Variants in L3MBTL4 observed in about 807,000 individuals in gnomAD.
L3MBTL4 encodes the protein L3MBTL histone methyl-lysine binding protein 4.
L3MBTL4 carries 70 observed loss-of-function variants against 84.5 expected under a neutral mutation model. The ratio of observed to expected loss-of-function variants is 0.83; its 90% CI spans 0.68 to 1.01. The LOEUF (loss-of-function observed/expected upper bound fraction) is 1.01, where lower values mean the gene tolerates loss of function less well. Ranked by LOEUF, L3MBTL4 falls within the 50% of genes least tolerant of loss-of-function variation. L3MBTL4 has a pLI of 0.00. For synonymous variants in L3MBTL4, 274 were observed against 259.8 expected (o/e 1.05, Z -0.52); for missense variants, 715 against 754.8 (o/e 0.95, Z 0.62).
chr18:6,221,359 A>G (rs1180751757), intron 10 of L3MBTL4, among the ~76,000 whole-genome samples: 1 of 149,038 alleles, frequency 6.7e-6, no homozygotes, highest in Non-Finnish European at 1.5e-5. Context: ...AGCAGCAATA[A>G]AAGGGATCTG....
At chr18:6,238,826 C>A (rs2047328450) in intron 9 of L3MBTL4, among the ~76,000 whole-genome samples, 1 of 150,186 alleles carries the variant, frequency 6.7e-6, no homozygotes, top group Non-Finnish European at 1.5e-5. Context: ...AGAACCACTG[C>A]CTCAGGCAGG....
At position 6,160,037 on chromosome 18, in the gene L3MBTL4, G is replaced by A. The variant is rs375570549; in HGVS notation, c.1096+11791C>T. Among the ~76,000 whole-genome samples the A allele has an allele frequency of 3.0e-4, 45 of 152,282 alleles. No individual in the cohort carries two copies. The South Asian group carries it at 3.5e-3, about 12-fold the overall frequency. The stretch of plus-strand genomic sequence containing the variant: ...CAGGAAGGGTGACGTAAGTACAGCC[G>A]TTCTCATCCACAGCATGGAGAGTCA... On this transcript the variant is annotated intron_variant, in intron 13 of 18. Coordinates refer to ENST00000317931, the MANE Select transcript of L3MBTL4 (RefSeq NM_001330559.2).
chr18:6,162,501 T>G (rs2043390994), intron 13 of L3MBTL4, among the ~76,000 whole-genome samples: 1 of 152,250 alleles, frequency 6.6e-6, no homozygotes, highest in African/African-American at 2.4e-5. Flanking sequence ...ATACTGCGTG[T>G]GGTTGTATAG....
intron 1 of L3MBTL4, among the ~76,000 whole-genome samples, chr18:6,315,269 G>A (rs1261679343): frequency 6.6e-6 from 1 of 152,116 alleles, no homozygotes; most frequent in African/African-American, 2.4e-5. Context: ...CAAAGATACT[G>A]CCAGCCTAGA....
intron 12 of L3MBTL4, among the ~76,000 whole-genome samples, chr18:6,175,785 C>A (rs1384798992): frequency 1.3e-5 from 2 of 152,092 alleles, no homozygotes; most frequent in Non-Finnish European, 2.9e-5. Flanking sequence ...CAAGTTTATT[C>A]ATTCTTACTG....
rs77782574 is a variant in L3MBTL4, at chr18:6,156,627, C to T, written c.1096+15201G>A. Among the ~76,000 whole-genome samples, 151 of 152,296 alleles carry T rather than the reference C, an allele frequency of 9.9e-4. 4 individuals carry two copies. In the East Asian group the frequency reaches 0.028, roughly 28 times the overall value. On this transcript the variant is annotated intron_variant, in intron 13 of 18. Coordinates refer to ENST00000317931, the MANE Select transcript of L3MBTL4 (RefSeq NM_001330559.2). ...GCGTGAACTCAGGATCTCTACTCAA[C>T]GTCCATATGCTGACTTGCATAAATC...
intron 7 of L3MBTL4, among the ~76,000 whole-genome samples, chr18:6,241,848 T>G (rs1310340364): frequency 2.0e-5 from 3 of 152,024 alleles, no homozygotes; most frequent in Non-Finnish European, 4.4e-5. Flanking sequence ...AGACCAGAGT[T>G]CCCGTACCTG....
chr18:6,165,306 A>T lies in L3MBTL4; in HGVS notation c.1096+6522T>A, dbSNP rs1416848299. On this transcript the variant is annotated intron_variant, in intron 13 of 18. Coordinates refer to ENST00000317931, the MANE Select transcript of L3MBTL4 (RefSeq NM_001330559.2). ...CCCCAATCTAGCAAGGCAGGCCAAC[A>T]TTCAAATTCAGGAAATACAGAGAAT... 3.9e-5 allele frequency among the ~76,000 whole-genome samples: 6 copies of T among 152,280 alleles called. No individual in the cohort carries two copies. In the South Asian group the frequency reaches 1.0e-3, roughly 26 times the overall value.
intron 5 of L3MBTL4, among the ~76,000 whole-genome samples, chr18:6,244,988 C>G (rs1042448196): frequency 1.3e-5 from 2 of 152,158 alleles, no homozygotes; most frequent in Non-Finnish European, 2.9e-5. Flanking sequence ...TGGCTCACTG[C>G]AACCTCCACC....
At chr18:6,325,388 T>C (rs1340527602) in intron 1 of L3MBTL4, among the ~76,000 whole-genome samples, 2 of 152,224 alleles carry the variant, frequency 1.3e-5, no homozygotes, top group East Asian at 3.8e-4. Context: ...TCTTGCTATG[T>C]TGCCCAGGCT....
intron 14 of L3MBTL4, among the ~76,000 whole-genome samples, chr18:6,100,835 C>T (rs1011908383): frequency 6.6e-6 from 1 of 152,318 alleles, no homozygotes; most frequent in African/African-American, 2.4e-5. Context: ...TGGCCTCCTG[C>T]GACACCACCC....
chr18:6,041,491 T>C (rs2056398391), intron 16 of L3MBTL4, among the ~76,000 whole-genome samples: 1 of 130,292 alleles, frequency 7.7e-6, no homozygotes, highest in Non-Finnish European at 1.6e-5. Flanking sequence ...GTCTTGCAAA[T>C]GCTCCACATC....
At chr18:6,048,704 G>A (rs1037547867) in intron 16 of L3MBTL4, among the ~76,000 whole-genome samples, 28 of 151,458 alleles carry the variant, frequency 1.8e-4, no homozygotes, top group South Asian at 8.3e-4. Flanking sequence ...TGGGAGAATC[G>A]CTTGAACCCG....
chr18:6,311,498 T>G (rs1038182905), intron 3 of L3MBTL4, 56 bp downstream of exon 3: 2 of 1,409,766 alleles, frequency 1.4e-6, no homozygotes, highest in Non-Finnish European at 2.0e-6. Flanking sequence ...TATTCCATGG[T>G]GCATTTTGGT....
At position 6,157,079 on chromosome 18, in the gene L3MBTL4, A is replaced by AT. The variant is rs566960745; in HGVS notation, c.1096+14748dup. ...CTGTAAGTACATTTTGAAACGTATT[A>AT]TTTTTTTCTCGATAAGTCTATCATG... On this transcript the variant is annotated intron_variant, in intron 13 of 18. Transcript: ENST00000317931. Among the ~76,000 whole-genome samples, 4 of 152,308 alleles carry AT rather than the reference A, an allele frequency of 2.6e-5. No homozygotes were observed. In the South Asian group the frequency reaches 8.3e-4, roughly 32 times the overall value.
At chr18:6,098,514 A>G (rs2058712655) in intron 14 of L3MBTL4, among the ~76,000 whole-genome samples, 1 of 152,228 alleles carries the variant, frequency 6.6e-6, no homozygotes, top group Admixed American at 6.5e-5. Flanking sequence ...AAACATAAAT[A>G]AATAACCCAG....
At chr18:6,025,460 T>A (rs1233711307) in intron 16 of L3MBTL4, among the ~76,000 whole-genome samples, 1 of 152,226 alleles carries the variant, frequency 6.6e-6, no homozygotes, top group Non-Finnish European at 1.5e-5. Context: ...GCTATCAGTG[T>A]CTGATTAATG....
At position 6,015,452 on chromosome 18, in the gene L3MBTL4, A is replaced by T. The variant is rs530497008; in HGVS notation, c.1445-45890T>A. On this transcript the variant is annotated intron_variant, in intron 16 of 18. Coordinates refer to ENST00000317931, the MANE Select transcript of L3MBTL4 (RefSeq NM_001330559.2). ...GACTCTTCTCATCACAATACCAAAAATGTGGAACTTGGAGTTTTAGGTCCC... is the reference window on the plus strand; with the variant it reads ...GACTCTTCTCATCACAATACCAAAATTGTGGAACTTGGAGTTTTAGGTCCC... Among the ~76,000 whole-genome samples, 112 of 152,248 alleles carry T rather than the reference A, an allele frequency of 7.4e-4. 1 individual carries two copies. The highest frequency in any genetic ancestry group is 2.6e-3 in the African/African-American group (107 of 41,548).
At chr18:6,312,341 T>C (rs1426149944) in intron 1 of L3MBTL4, among the ~76,000 whole-genome samples, 1 of 152,194 alleles carries the variant, frequency 6.6e-6, no homozygotes, top group Non-Finnish European at 1.5e-5. Context: ...TTTACGATGA[T>C]ATATCCAACT....
Sources: allele counts gnomAD v4.1 joint callset (sites outside exome capture counted in the v4.1 genomes callset), GRCh38; gene constraint gnomAD v4.1.1; transcripts MANE v1.5; gene names NCBI Gene and HGNC (gene_info 2026-07-23, HGNC 2026-07-21).